S100A8: variants seen among roughly 807,000 people sequenced by gnomAD.
S100A8 encodes S100 calcium binding protein A8.
S100A8 carries 1 observed loss-of-function variant against 4.2 expected under a neutral mutation model. The ratio of observed to expected loss-of-function variants is 0.24; its 90% CI spans 0.08 to 1.12. The LOEUF (loss-of-function observed/expected upper bound fraction) is 1.12, where lower values mean the gene tolerates loss of function less well. Among genes scored for constraint, S100A8 ranks in the 50% most tolerant of loss-of-function variants. S100A8 has a pLI of 0.53. For synonymous variants in S100A8, 41 were observed against 44.7 expected (o/e 0.92, Z 0.33); for missense variants, 96 against 111.8 (o/e 0.86, Z 0.64).
chr1:153,392,626 G>T (rs1033403579), upstream of S100A8, among the ~76,000 whole-genome samples: 8 of 152,186 alleles, frequency 5.3e-5, no homozygotes, highest in African/African-American at 1.9e-4. Flanking sequence ...AATGTTTTGT[G>T]GGGACATGTG....
chr1:153,406,441 C>T, the S100A8 span, among the ~76,000 whole-genome samples: 12 of 152,078 alleles, frequency 7.9e-5, no homozygotes, highest in Non-Finnish European at 1.3e-4. Flanking sequence ...ACTCTCTCAC[C>T]ACCCAGTGCC....
At chr1:153,390,365 G>A (rs377695571) in intron 2 of S100A8, 30 bp downstream of exon 2, 8 of 1,611,498 alleles carry the variant, frequency 5.0e-6, no homozygotes, top group African/African-American at 2.7e-5. Flanking sequence ...ACCAGGCAGA[G>A]AGCCCCCGCC....
At chr1:153,399,644 G>A in the S100A8 span, among the ~76,000 whole-genome samples, 1 of 152,294 alleles carries the variant, frequency 6.6e-6, no homozygotes, top group East Asian at 1.9e-4. Flanking sequence ...ACAGGGTGGG[G>A]ACATGTGAGG....
At chr1:153,395,876 G>A (rs536279285), upstream of S100A8, among the ~76,000 whole-genome samples, 2 of 152,280 alleles carry the variant, frequency 1.3e-5, no homozygotes, top group South Asian at 4.1e-4. Context: ...CCTGCCTCCC[G>A]ATCCTGGTCT....
the S100A8 span, among the ~76,000 whole-genome samples, chr1:153,412,822 A>T: frequency 2.0e-5 from 3 of 152,204 alleles, no homozygotes; most frequent in Admixed American, 6.5e-5. Flanking sequence ...GGATGAGTTC[A>T]TGTCCTTTGT....
the S100A8 span, chr1:153,417,990 GCCCT>G: frequency 6.4e-7 from 1 of 1,564,688 alleles, no homozygotes; most frequent in African/African-American, 1.4e-5. Context: ...TCTGTCCTCA[GCCCT>G]CCTTCTAACA....
the S100A8 span, among the ~76,000 whole-genome samples, chr1:153,403,626 G>A: frequency 6.6e-6 from 1 of 151,838 alleles, no homozygotes; most frequent in Non-Finnish European, 1.5e-5. Flanking sequence ...TTTCCCAGCT[G>A]TTTTATGATC....
At chr1:153,393,811 C>T (rs962043044), upstream of S100A8, among the ~76,000 whole-genome samples, 5 of 152,218 alleles carry the variant, frequency 3.3e-5, no homozygotes, top group African/African-American at 1.2e-4. Context: ...GTGATGTGGA[C>T]ATTACAAGTA....
chr1:153,421,462 A>C, the S100A8 span: 1 of 152,248 alleles, frequency 6.6e-6, no homozygotes, highest in African/African-American at 2.4e-5. Context: ...ATTCCAGCTC[A>C]TAATAAGTAC....
At chr1:153,413,699 G>A in the S100A8 span, among the ~76,000 whole-genome samples, 1 of 152,074 alleles carries the variant, frequency 6.6e-6, no homozygotes, top group East Asian at 1.9e-4. Context: ...TCAGGAGTTC[G>A]AGACCAGCCC....
At chr1:153,392,224 T>A (rs1460484680), upstream of S100A8, among the ~76,000 whole-genome samples, 4 of 152,022 alleles carry the variant, frequency 2.6e-5, no homozygotes, top group African/African-American at 7.2e-5. Flanking sequence ...ATACAAATGG[T>A]CAATAAGCAT....
chr1:153,414,407 A>G, the S100A8 span, among the ~76,000 whole-genome samples: 3 of 152,258 alleles, frequency 2.0e-5, no homozygotes, highest in Non-Finnish European at 2.9e-5. Context: ...CTTAAAACTC[A>G]GAGATAAGAA....
At chr1:153,422,370 G>T in the S100A8 span, 2 of 295,882 alleles carry the variant, frequency 6.8e-6, no homozygotes, top group African/African-American at 2.3e-5. Flanking sequence ...AAGGGCACAG[G>T]TATTAGTGTC....
the S100A8 span, among the ~76,000 whole-genome samples, chr1:153,399,434 C>T: frequency 6.6e-6 from 1 of 152,174 alleles, no homozygotes; most frequent in Non-Finnish European, 1.5e-5. Context: ...AGAGCTTGTC[C>T]TCTCAGCTCC....
chr1:153,394,877 A>AC (rs951820177), upstream of S100A8, among the ~76,000 whole-genome samples: 1 of 151,450 alleles, frequency 6.6e-6, no homozygotes, highest in Non-Finnish European at 1.5e-5. Flanking sequence ...GTGGTATATC[A>AC]CCCCCCAACA....
At chr1:153,397,347 G>A in the S100A8 span, among the ~76,000 whole-genome samples, 37 of 152,316 alleles carry the variant, frequency 2.4e-4, no homozygotes, top group African/African-American at 8.4e-4. Flanking sequence ...GTCAGCATGC[G>A]AACCTCTGAA....
chr1:153,414,974 C>T, the S100A8 span, among the ~76,000 whole-genome samples: 2 of 152,198 alleles, frequency 1.3e-5, no homozygotes, highest in African/African-American at 2.4e-5. Flanking sequence ...TCTCTCTCTA[C>T]CTCCATCTGT....
At chr1:153,392,151 AAAAC>A (rs1317772224), upstream of S100A8, among the ~76,000 whole-genome samples, 4 of 152,268 alleles carry the variant, frequency 2.6e-5, no homozygotes, top group Admixed American at 6.5e-5. Context: ...TCAACAACAA[AAAAC>A]AAACAAACCA....
the S100A8 span, chr1:153,422,422 G>T: frequency 2.6e-6 from 2 of 763,350 alleles, no homozygotes; most frequent in Non-Finnish European, 3.2e-6. Context: ...ACATACTAGA[G>T]CAAGAATTTA....
Sources: gnomAD v4.1 joint callset for allele counts (sites outside exome capture counted in the v4.1 genomes callset) on GRCh38, gnomAD v4.1.1 for gene constraint, MANE v1.5 for transcripts, NCBI Gene and HGNC (gene_info 2026-07-23, HGNC 2026-07-21) for gene names.